Variants in MAML3 observed in about 807,000 individuals in gnomAD.
The protein encoded by MAML3 is mastermind like transcriptional coactivator 3.
In MAML3, 27 loss-of-function variants were observed where a neutral mutation model predicts 101.9. The ratio of observed to expected loss-of-function variants is 0.27; its 90% confidence interval spans 0.20 to 0.37. MAML3 has a LOEUF of 0.37. Ranked by LOEUF, MAML3 falls within the 10% of genes least tolerant of loss-of-function variation. The pLI is 1.00. For synonymous variants in MAML3, 501 were observed against 555.9 expected (o/e 0.90, Z 1.39); for missense variants, 1,316 against 1,444.9 (o/e 0.91, Z 1.45).
intron 1 of MAML3, among the ~76,000 whole-genome samples, chr4:140,091,821 C>G (rs952204988): frequency 6.6e-6 from 1 of 151,844 alleles, no homozygotes; most frequent in Non-Finnish European, 1.5e-5. Context: ...CAGGGCAGAC[C>G]CAGGCTAGCA....
intron 1 of MAML3, among the ~76,000 whole-genome samples, chr4:139,993,799 G>A (rs1265624857): frequency 1.3e-5 from 2 of 152,092 alleles, no homozygotes; most frequent in African/African-American, 4.8e-5. Flanking sequence ...CTGCACTCCA[G>A]CCTGGGCAAC....
rs1012726742 is a variant in MAML3, at chr4:139,983,622, T to C, written c.469-92655A>G. Reference sequence around the variant, plus strand: ...TTCTAACAAGCATTTCCTTTGAGCTTCATGTCAACACTCAAAAAGTTTCAG... The same window carrying C: ...TTCTAACAAGCATTTCCTTTGAGCTCCATGTCAACACTCAAAAAGTTTCAG... On this transcript the variant is annotated intron_variant, in intron 1 of 4. Transcript: ENST00000509479. Among the ~76,000 whole-genome samples, 20 of 152,232 alleles carry C rather than the reference T, an allele frequency of 1.3e-4. 1 individual carries two copies. The highest frequency in any genetic ancestry group is 1.2e-3 in the Admixed American group (19 of 15,274).
chr4:140,040,278 A>C (rs999904840), intron 1 of MAML3, among the ~76,000 whole-genome samples: 3 of 152,316 alleles, frequency 2.0e-5, no homozygotes, highest in African/African-American at 7.2e-5. Context: ...GTGAATGGCT[A>C]TTGGGTGGGA....
At chr4:139,772,821 T>G (rs879423734) in intron 2 of MAML3, among the ~76,000 whole-genome samples, 53 of 150,950 alleles carry the variant, frequency 3.5e-4, no homozygotes, top group Non-Finnish European at 7.1e-4. Flanking sequence ...TGCTCACGCC[T>G]GTAATCCCAG....
At chr4:139,914,311 A>G (rs28671183) in intron 1 of MAML3, among the ~76,000 whole-genome samples, 2,752 of 152,298 alleles carry the variant, frequency 0.018, 91 homozygotes, top group African/African-American at 0.062. Context: ...AGCATCATTT[A>G]TACACTAGGA....
intron 1 of MAML3, among the ~76,000 whole-genome samples, chr4:139,954,933 GATA>G (rs1210532378): frequency 1.3e-5 from 2 of 151,832 alleles, no homozygotes; most frequent in Non-Finnish European, 2.9e-5. Context: ...GAATAACAAT[GATA>G]ATAATAAAAG....
intron 1 of MAML3, among the ~76,000 whole-genome samples, chr4:140,023,690 A>C (rs1402671): frequency 0.25 from 37,996 of 152,164 alleles, 6,009 homozygotes; most frequent in Non-Finnish European, 0.35. Context: ...AACATAATTC[A>C]CCCAAAACAG....
intron 1 of MAML3, among the ~76,000 whole-genome samples, chr4:139,931,892 ACCTGTAATC>A (rs1733406109): frequency 6.6e-6 from 1 of 151,596 alleles, no homozygotes; most frequent in African/African-American, 2.4e-5. Context: ...GATGGCTGGC[ACCTGTAATC>A]CCAGCTACTC....
At chr4:140,147,615 A>G (rs1172960113) in intron 1 of MAML3, among the ~76,000 whole-genome samples, 4 of 152,226 alleles carry the variant, frequency 2.6e-5, no homozygotes, top group African/African-American at 9.6e-5. Context: ...TGGGAGACTT[A>G]AAAGGTAGAC....
At chr4:139,921,869 T>A (rs1370938321) in intron 1 of MAML3, among the ~76,000 whole-genome samples, 1 of 152,214 alleles carries the variant, frequency 6.6e-6, no homozygotes, top group Non-Finnish European at 1.5e-5. Context: ...TCACTGCATG[T>A]TAAACACAGT....
At chr4:139,744,315 A>T (rs1729255621) in intron 2 of MAML3, among the ~76,000 whole-genome samples, 1 of 152,272 alleles carries the variant, frequency 6.6e-6, no homozygotes, top group Non-Finnish European at 1.5e-5. Flanking sequence ...CAGCTTCCAG[A>T]TCTTAGAGTT....
chr4:140,138,074 A>C (rs1728924298), intron 1 of MAML3, among the ~76,000 whole-genome samples: 1 of 152,238 alleles, frequency 6.6e-6, no homozygotes, highest in Non-Finnish European at 1.5e-5. Flanking sequence ...CTAAAAAAGC[A>C]ATAGCCCATT....
intron 2 of MAML3, among the ~76,000 whole-genome samples, chr4:139,772,886 T>G (rs1286378201): frequency 6.7e-6 from 1 of 148,670 alleles, no homozygotes; most frequent in Non-Finnish European, 1.5e-5. Flanking sequence ...GAGACCAGCC[T>G]GGCCAAGATG....
chr4:139,956,669 C>T (rs757915811), intron 1 of MAML3, among the ~76,000 whole-genome samples: 2 of 152,154 alleles, frequency 1.3e-5, no homozygotes, highest in African/African-American at 4.8e-5. Flanking sequence ...CTGCACAAAG[C>T]GATGGGGAGC....
chr4:140,100,292 T>C (rs1002612685), intron 1 of MAML3, among the ~76,000 whole-genome samples: 7 of 152,296 alleles, frequency 4.6e-5, no homozygotes, highest in Admixed American at 3.3e-4. Flanking sequence ...CTTTCTCAAG[T>C]TTATTATTTA....
At chr4:139,787,375 A>G (rs139146659) in intron 2 of MAML3, among the ~76,000 whole-genome samples, 3 of 152,332 alleles carry the variant, frequency 2.0e-5, no homozygotes, top group African/African-American at 7.2e-5. Context: ...TTTTTATACC[A>G]TGGGACACTA....
chr4:139,907,820 C>T (rs545174869), intron 1 of MAML3, among the ~76,000 whole-genome samples: 41 of 152,322 alleles, frequency 2.7e-4, no homozygotes, highest in African/African-American at 9.4e-4. Flanking sequence ...CTAACTTATA[C>T]AACTGTGCAC....
intron 1 of MAML3, among the ~76,000 whole-genome samples, chr4:139,913,352 G>C (rs888861613): frequency 6.6e-6 from 1 of 152,014 alleles, no homozygotes; most frequent in Non-Finnish European, 1.5e-5. Flanking sequence ...TCCTAAGTAT[G>C]GCTCTTACTT....
At chr4:139,762,646 C>T (rs1352380321) in intron 2 of MAML3, among the ~76,000 whole-genome samples, 1 of 152,178 alleles carries the variant, frequency 6.6e-6, no homozygotes, top group Non-Finnish European at 1.5e-5. Context: ...GAATACAAAA[C>T]TTATGTTTGC....
Sources: gnomAD v4.1 joint callset for allele counts (sites outside exome capture counted in the v4.1 genomes callset) on GRCh38, gnomAD v4.1.1 for gene constraint, MANE v1.5 for transcripts, NCBI Gene and HGNC (gene_info 2026-07-23, HGNC 2026-07-21) for gene names.